CTNNA2: variants seen among roughly 807,000 people sequenced by gnomAD.
The protein encoded by CTNNA2 is catenin alpha-2.
CTNNA2 carries 42 observed loss-of-function variants against 101.0 expected under a neutral mutation model. The observed-to-expected ratio is 0.42, with a 90% CI of 0.32 to 0.54. The LOEUF (loss-of-function observed/expected upper bound fraction) is 0.54, where lower values mean the gene tolerates loss of function less well. Ranked by LOEUF, CTNNA2 falls within the 20% of genes least tolerant of loss-of-function variation. The probability of loss-of-function intolerance (pLI) is 0.14; values close to 1 mark genes in which losing one functional copy is unlikely to be tolerated. For missense variants in CTNNA2, 871 were observed against 1,223.1 expected (o/e 0.71, Z 4.29); for synonymous variants, 450 against 456.4 (o/e 0.99, Z 0.18).
chr2:79,969,329 C>G (rs974758607), intron 7 of CTNNA2, among the ~76,000 whole-genome samples: 1 of 152,170 alleles, frequency 6.6e-6, no homozygotes, highest in African/African-American at 2.4e-5. Context: ...TTTGGAGCCC[C>G]GTGCTCTAAA....
chr2:79,840,593 T>C (rs905328182), intron 3 of CTNNA2, among the ~76,000 whole-genome samples: 4 of 152,130 alleles, frequency 2.6e-5, no homozygotes, highest in Admixed American at 1.3e-4. Context: ...ATGAGCCTAT[T>C]ATAAGAGATA....
At chr2:80,471,912 G>T (rs781041627) in intron 9 of CTNNA2, among the ~76,000 whole-genome samples, 2 of 152,102 alleles carry the variant, frequency 1.3e-5, no homozygotes, top group Non-Finnish European at 2.9e-5. Flanking sequence ...GATCATGTGA[G>T]GTCAGGAGTT....
intron 1 of CTNNA2, among the ~76,000 whole-genome samples, chr2:79,642,150 A>G (rs1680490022): frequency 6.6e-6 from 1 of 152,212 alleles, no homozygotes; most frequent in Non-Finnish European, 1.5e-5. Flanking sequence ...TTATGCTTTG[A>G]CATTGAGTAT....
chr2:79,299,473 T>C (rs193105387), intron 2 of CTNNA2, among the ~76,000 whole-genome samples: 52 of 152,316 alleles, frequency 3.4e-4, no homozygotes, highest in African/African-American at 1.2e-3. Context: ...TGAATTTTTA[T>C]AGATTAATTC....
chr2:79,512,754 C>T (rs536440421), upstream of CTNNA2, among the ~76,000 whole-genome samples: 883 of 151,706 alleles, frequency 5.8e-3, 5 homozygotes, highest in South Asian at 0.013. Flanking sequence ...CCTGCCGCGC[C>T]TCCAGAGCTC....
chr2:79,502,994 A>G (rs1477198226), intron 4 of CTNNA2, among the ~76,000 whole-genome samples: 1 of 152,172 alleles, frequency 6.6e-6, no homozygotes, highest in Admixed American at 6.5e-5. Flanking sequence ...AAGCGATTTG[A>G]CTACCATCCT....
chr2:80,520,369 G>A (rs762510787), intron 9 of CTNNA2, among the ~76,000 whole-genome samples: 11 of 152,042 alleles, frequency 7.2e-5, no homozygotes, highest in Non-Finnish European at 7.4e-5. Context: ...AAAAATTCCC[G>A]ACCTGCCAGC....
chr2:79,845,643 T>G (rs1324874842), intron 3 of CTNNA2, among the ~76,000 whole-genome samples: 1 of 152,230 alleles, frequency 6.6e-6, no homozygotes, highest in Non-Finnish European at 1.5e-5. Flanking sequence ...GAAGCCCATC[T>G]GAGATTCATC....
intron 7 of CTNNA2, among the ~76,000 whole-genome samples, chr2:79,986,964 A>C (rs1691809472): frequency 1.3e-5 from 2 of 152,188 alleles, no homozygotes; most frequent in African/African-American, 4.8e-5. Flanking sequence ...GGAAACACAA[A>C]GTTGGATCTT....
At chr2:80,113,672 A>C (rs1701347521) in intron 7 of CTNNA2, among the ~76,000 whole-genome samples, 1 of 152,244 alleles carries the variant, frequency 6.6e-6, no homozygotes, top group South Asian at 2.1e-4. Flanking sequence ...AAGCCAAAAA[A>C]CATGTATTAT....
At chr2:79,199,654 C>G (rs1327781317) in intron 2 of CTNNA2, among the ~76,000 whole-genome samples, 1 of 152,106 alleles carries the variant, frequency 6.6e-6, no homozygotes, top group Non-Finnish European at 1.5e-5. Flanking sequence ...GCTTCTCTAA[C>G]AAAATACCAT....
intron 7 of CTNNA2, among the ~76,000 whole-genome samples, chr2:80,098,170 A>G (rs1001353636): frequency 1.3e-5 from 2 of 152,238 alleles, no homozygotes; most frequent in East Asian, 3.9e-4. Context: ...ATGGTGACGT[A>G]CAAATGGGTT....
intron 2 of CTNNA2, among the ~76,000 whole-genome samples, chr2:79,297,111 A>G (rs1573049280): frequency 6.6e-6 from 1 of 152,212 alleles, no homozygotes. Flanking sequence ...TAATACATGA[A>G]AATTCCTTAT....
chr2:79,202,215 C>T (rs1056937817), intron 2 of CTNNA2, among the ~76,000 whole-genome samples: 5 of 152,206 alleles, frequency 3.3e-5, no homozygotes, highest in African/African-American at 1.2e-4. Flanking sequence ...TTACCTTAAA[C>T]AGTTCCCAGC....
At chr2:79,330,059 G>A (rs573420556) in intron 3 of CTNNA2, among the ~76,000 whole-genome samples, 18 of 152,244 alleles carry the variant, frequency 1.2e-4, no homozygotes, top group African/African-American at 4.1e-4. Context: ...CAATAGTGAA[G>A]GAAGTAGTGG....
chr2:79,191,766 A>G (rs1218254841), intron 1 of CTNNA2, among the ~76,000 whole-genome samples: 1 of 152,262 alleles, frequency 6.6e-6, no homozygotes, highest in Non-Finnish European at 1.5e-5. Flanking sequence ...GGGGCTAGGA[A>G]TGTTCATGAG....
intron 7 of CTNNA2, among the ~76,000 whole-genome samples, chr2:80,141,567 T>A (rs1457089692): frequency 6.6e-6 from 1 of 151,968 alleles, no homozygotes; most frequent in Non-Finnish European, 1.5e-5. Context: ...CAAGCCCAAG[T>A]GAGGTGACTG....
chr2:79,340,973 G>A (rs1677124476), intron 3 of CTNNA2, among the ~76,000 whole-genome samples: 1 of 149,982 alleles, frequency 6.7e-6, no homozygotes, highest in Non-Finnish European at 1.5e-5. Context: ...TATACATTGA[G>A]TGATAAATAT....
At chr2:79,343,961 C>T (rs1023086211) in intron 3 of CTNNA2, among the ~76,000 whole-genome samples, 4 of 152,124 alleles carry the variant, frequency 2.6e-5, no homozygotes, top group Middle Eastern at 3.2e-3. Flanking sequence ...TCATGTGGTA[C>T]GGATCTAAGA....
Sources: gnomAD v4.1 joint callset for allele counts (sites outside exome capture counted in the v4.1 genomes callset) on GRCh38, gnomAD v4.1.1 for gene constraint, MANE v1.5 for transcripts, NCBI Gene and HGNC (gene_info 2026-07-23, HGNC 2026-07-21) for gene names.